CALB2: variants seen among roughly 807,000 people sequenced by gnomAD.
The protein encoded by CALB2 is calretinin.
A neutral mutation model predicts 45.9 loss-of-function variants in CALB2; 34 were observed. The observed-to-expected ratio is 0.74, with a 90% CI of 0.56 to 0.99. CALB2 has a LOEUF of 0.99. CALB2 is among the 50% of genes least tolerant of loss of function. The pLI, the probability that CALB2 is intolerant of heterozygous loss-of-function variation, is 0.00. For missense variants in CALB2, 344 were observed against 339.3 expected (o/e 1.01, Z -0.11); for synonymous variants, 142 against 129.6 (o/e 1.10, Z -0.65).
intron 1 of CALB2, among the ~76,000 whole-genome samples, chr16:71,359,964 T>G (rs569987997): frequency 1.3e-5 from 2 of 152,224 alleles, no homozygotes; most frequent in Non-Finnish European, 2.9e-5. Flanking sequence ...CTAAGACAGA[T>G]GCTGTCTCCA....
intron 4 of CALB2, among the ~76,000 whole-genome samples, chr16:71,378,038 C>T (rs1598169196): frequency 6.6e-6 from 1 of 152,316 alleles, no homozygotes; most frequent in East Asian, 1.9e-4. Flanking sequence ...GCCTGGCCAA[C>T]ATGGCAAAAC....
chr16:71,385,045 C>T (rs1002544774), intron 9 of CALB2, among the ~76,000 whole-genome samples: 1 of 152,150 alleles, frequency 6.6e-6, no homozygotes. Flanking sequence ...CTGCAGAGTG[C>T]AGCCGAGAAT....
chr16:71,386,022 T>A (rs1227796520), intron 10 of CALB2, among the ~76,000 whole-genome samples: 3 of 152,136 alleles, frequency 2.0e-5, no homozygotes, highest in African/African-American at 7.2e-5. Context: ...CTGTCCCCCA[T>A]CTCCTGCCAA....
In CALB2 at chr16:71,360,982, G is replaced by C. The variant is rs577092114; in HGVS notation, c.94+2096G>C. Among the ~76,000 whole-genome samples, 8 of 152,244 alleles carry C rather than the reference G, an allele frequency of 5.3e-5. No homozygotes were observed. The South Asian group carries it at 1.7e-3, about 32-fold the overall frequency. ...CCATTCCCCCAAAGAAAAGCCCCCAGCCCACCCTTGGGGTTGATGGGCAGT... is the reference window on the plus strand; with the variant it reads ...CCATTCCCCCAAAGAAAAGCCCCCACCCCACCCTTGGGGTTGATGGGCAGT... On this transcript the variant is annotated intron_variant, in intron 1 of 10. Coordinates refer to ENST00000302628, the MANE Select transcript of CALB2 (RefSeq NM_001740.5).
At chr16:71,372,807 C>T (rs907084303) in intron 2 of CALB2, among the ~76,000 whole-genome samples, 1 of 152,184 alleles carries the variant, frequency 6.6e-6, no homozygotes, top group Non-Finnish European at 1.5e-5. Context: ...TGGTGGGAGA[C>T]TGGGGGCAGA....
In CALB2 at chr16:71,390,218, T is replaced by C; in HGVS notation, c.*353T>C. 5.4e-6 allele frequency: 1 copy of C among 186,618 alleles called. No homozygotes were observed. Among genetic ancestry groups the C allele is most frequent in the Non-Finnish European group, 1.1e-5 (1 of 89,010 alleles). 11.6% of individuals were successfully genotyped at this position (186,618 alleles called of 1,614,324 possible). A position where few individuals can be genotyped will look rare whatever the true frequency, so the allele number is the denominator to read the frequency against. On this transcript the variant is annotated 3_prime_UTR_variant, in exon 11 of 11. Transcript: ENST00000302628. ...TGGACTCTTCCCTCTCGCTCCCCTC[T>C]GCCGGTCCCCCATGCCACCACCCAC...
At chr16:71,364,495 C>G (rs753324344) in intron 1 of CALB2, among the ~76,000 whole-genome samples, 2 of 152,212 alleles carry the variant, frequency 1.3e-5, no homozygotes, top group East Asian at 1.9e-4. Context: ...AGCCTGCCGG[C>G]GGATTGCATC....
chr16:71,387,496 C>T (rs2042584335), intron 10 of CALB2, among the ~76,000 whole-genome samples: 3 of 151,900 alleles, frequency 2.0e-5, no homozygotes, highest in Admixed American at 6.5e-5. Flanking sequence ...TAGATGCACG[C>T]ATTCCATTTG....
chr16:71,374,852 G>A lies in CALB2; in HGVS notation c.261+18G>A. The stretch of plus-strand genomic sequence containing the variant: ...TGGCAGAGGTGAGCCCTGCCTCGCT[G>A]GTAAAGAGCTGTGTGGGAGGGGCCC... On this transcript the variant is annotated intron_variant, in intron 3 of 10. Coordinates refer to ENST00000302628, the MANE Select transcript of CALB2 (RefSeq NM_001740.5). The A allele has an allele frequency of 6.4e-7, 1 of 1,568,074 alleles. No individual in the cohort carries two copies.
At chr16:71,380,106 G>T (rs904748321) in intron 4 of CALB2, among the ~76,000 whole-genome samples, 2 of 151,822 alleles carry the variant, frequency 1.3e-5, no homozygotes, top group African/African-American at 4.8e-5. Flanking sequence ...GCCAAAAATT[G>T]GCCTCTATTC....
chr16:71,374,875 C>G, intron 3 of CALB2, 41 bp downstream of exon 3: 1 of 1,374,542 alleles, frequency 7.3e-7, no homozygotes, highest in South Asian at 1.2e-5. Flanking sequence ...GTGGGAGGGG[C>G]CCTGGGTCCC....
At chr16:71,366,674 C>T (rs1168369397) in intron 1 of CALB2, among the ~76,000 whole-genome samples, 5 of 152,112 alleles carry the variant, frequency 3.3e-5, no homozygotes, top group Non-Finnish European at 5.9e-5. Context: ...TGGAACTCTT[C>T]AGGCTAACGG....
chr16:71,365,530 C>G (rs962910139), intron 1 of CALB2, among the ~76,000 whole-genome samples: 1 of 152,150 alleles, frequency 6.6e-6, no homozygotes, highest in Non-Finnish European at 1.5e-5. Flanking sequence ...TGAGCAAATG[C>G]GTCTCAGATT....
intron 4 of CALB2, among the ~76,000 whole-genome samples, chr16:71,380,088 G>A (rs929035648): frequency 2.0e-5 from 3 of 151,898 alleles, no homozygotes; most frequent in South Asian, 2.1e-4. Context: ...TTTCCTGATA[G>A]AGAGACAGCC....
intron 1 of CALB2, 124 bp downstream of exon 1, chr16:71,359,010 G>A (rs1245065732): frequency 1.3e-6 from 1 of 777,724 alleles, no homozygotes; most frequent in African/African-American, 1.7e-5. Context: ...TGGTCGCAGA[G>A]CCTGCTGGGG....
intron 4 of CALB2, among the ~76,000 whole-genome samples, chr16:71,380,297 T>C (rs1361987613): frequency 8.3e-5 from 4 of 48,118 alleles, no homozygotes; most frequent in Admixed American, 1.8e-4. Flanking sequence ...CTTTTCTTTT[T>C]TTTTTTTTTT....
intron 1 of CALB2, among the ~76,000 whole-genome samples, chr16:71,363,007 C>G (rs1041690253): frequency 2.6e-5 from 4 of 151,722 alleles, no homozygotes; most frequent in African/African-American, 9.7e-5. Flanking sequence ...CAGTGAGACC[C>G]CCCCTCCCCC....
chr16:71,385,930 T>C (rs946304105), intron 10 of CALB2, among the ~76,000 whole-genome samples: 4 of 152,182 alleles, frequency 2.6e-5, no homozygotes, highest in Non-Finnish European at 2.9e-5. Context: ...TTGAACATAT[T>C]CATAATATTG....
chr16:71,388,600 C>G (rs79702693), intron 10 of CALB2, among the ~76,000 whole-genome samples: 29,701 of 152,046 alleles, frequency 0.2, 3,576 homozygotes, highest in South Asian at 0.39. Context: ...GCTCACCTGT[C>G]TCAGTGGCCC....
Sources: allele counts gnomAD v4.1 joint callset (sites outside exome capture counted in the v4.1 genomes callset), GRCh38; gene constraint gnomAD v4.1.1; transcripts MANE v1.5; gene names NCBI Gene and HGNC (gene_info 2026-07-23, HGNC 2026-07-21).